Variants in GAS6 observed in about 807,000 individuals in gnomAD.
The protein encoded by GAS6 is growth arrest specific 6, also known as growth arrest-specific protein 6.
GAS6 carries 41 observed loss-of-function variants against 75.8 expected under a neutral mutation model. That is an observed-to-expected ratio of 0.54 (90% CI 0.42 to 0.70). The LOEUF (loss-of-function observed/expected upper bound fraction) is 0.70. GAS6 is among the 30% of genes least tolerant of loss of function. The probability of loss-of-function intolerance (pLI) is 0.00; values close to 1 mark genes in which losing one functional copy is unlikely to be tolerated. For synonymous variants in GAS6, 432 were observed against 412.6 expected, an observed-to-expected ratio of 1.05 and a Z score of -0.57; for missense variants, 854 against 940.2, an observed-to-expected ratio of 0.91 and a Z score of 1.20.
At chr13:113,834,128 G>GCC (rs2051668248) in intron 8 of GAS6, among the ~76,000 whole-genome samples, 1 of 147,834 alleles carries the variant, frequency 6.8e-6, no homozygotes, top group South Asian at 2.2e-4. Context: ...GGTGTGACAG[G>GCC]TCGGTGTGAC....
intron 2 of GAS6, among the ~76,000 whole-genome samples, chr13:113,858,654 TGTAC>T (rs1342918743): frequency 4.7e-5 from 6 of 127,822 alleles, no homozygotes; most frequent in African/African-American, 1.9e-4. Context: ...TGACTGTATG[TGTAC>T]ATGTCTGTGT....
chr13:113,826,498 C>T (rs1252000593), intron 12 of GAS6, among the ~76,000 whole-genome samples: 5 of 123,442 alleles, frequency 4.1e-5, no homozygotes, highest in South Asian at 3.2e-4. Context: ...GGCCTCCCGG[C>T]GCCGGCCTCG....
intron 2 of GAS6, among the ~76,000 whole-genome samples, chr13:113,858,013 G>A (rs2051927976): frequency 6.6e-6 from 1 of 152,258 alleles, no homozygotes; most frequent in African/African-American, 2.4e-5. Context: ...GGGCCCAGGA[G>A]GAAAGGCCTT....
At chr13:113,824,736 G>A (rs1054531953) in intron 12 of GAS6, among the ~76,000 whole-genome samples, 7 of 149,528 alleles carry the variant, frequency 4.7e-5, no homozygotes, top group East Asian at 1.9e-4. Context: ...AACCCACATC[G>A]CCTGTCCTGC....
Position 113,842,485 on chromosome 13 carries a change from C to T in GAS6, c.344-2635G>A, listed in dbSNP as rs965587982. The T allele has an allele frequency of 1.1e-4, 42 of 395,674 alleles. 2 individuals are homozygous for T. In the Middle Eastern group the frequency reaches 1.9e-3, roughly 18 times the overall value. 24.5% of individuals were successfully genotyped at this position (395,674 alleles called of 1,614,324 possible). On this transcript the variant is annotated intron_variant, in intron 4 of 14. Coordinates refer to ENST00000327773, the MANE Select transcript of GAS6 (RefSeq NM_000820.4). ...GGGGCCCCATCCCTGACACTGCTGT[C>T]GCCCGGCTGTACCTGGGTGCTGTGT...
At chr13:113,838,824 G>C (rs947332747) in intron 5 of GAS6, among the ~76,000 whole-genome samples, 4 of 150,558 alleles carry the variant, frequency 2.7e-5, no homozygotes, top group African/African-American at 9.8e-5. Flanking sequence ...GAGAGAGCCT[G>C]GGAGTGCACA....
chr13:113,834,114 C>A (rs1283297627), intron 8 of GAS6, among the ~76,000 whole-genome samples: 1 of 142,644 alleles, frequency 7.0e-6, no homozygotes, highest in Non-Finnish European at 1.5e-5. Flanking sequence ...CTGTGATAGG[C>A]CCCGGTGTGA....
At position 113,821,029 on chromosome 13, in the gene GAS6, G is replaced by A. The variant is rs775534088; in HGVS notation, c.1883-11C>T. ...AAGTCACCGGCACATCTGGGCCGCA[G>A]GGAGAGAACAACATATCTTAGCTCA... On this transcript the variant is annotated splice_polypyrimidine_tract_variant and intron_variant, in intron 14 of 14. Coordinates refer to ENST00000327773, the MANE Select transcript of GAS6 (RefSeq NM_000820.4). The A allele has an allele frequency of 3.1e-6, 5 of 1,611,896 alleles. No homozygotes were observed. The highest frequency in any genetic ancestry group is 4.2e-6 in the Non-Finnish European group (5 of 1,179,600).
At chr13:113,832,530 C>G in intron 9 of GAS6, 42 bp from the exon 10 acceptor site, 2 of 1,594,008 alleles carry the variant, frequency 1.3e-6, no homozygotes, top group Non-Finnish European at 1.7e-6. Flanking sequence ...TGGGCACAGG[C>G]AGATGCCCGG....
chr13:113,863,592 C>A lies in GAS6; in HGVS notation c.238G>T (p.Glu80Ter), dbSNP rs771615672. ...CTGCTCACCGTCTCGGGGTCGTTCT[C>A]GAACACCTCCCGCGCCTCCTCGCGG... ...CSREEAREVF[E>*]NDPETDYFYP... Residue 80 changes from glutamate to a stop codon, truncating the protein, a stop_gained, in exon 2 of 15, where the codon GAG (glutamate) becomes TAG (stop). Coordinates refer to ENST00000327773, the MANE Select transcript of GAS6 (RefSeq NM_000820.4). LOFTEE classifies it high-confidence loss of function. This position sits in a 1 kb window ranked among gnomAD's most constrained non-coding sequence, Gnocchi z 9.4. 1 of 1,518,666 alleles carries A rather than the reference C, an allele frequency of 6.6e-7. No homozygotes were observed. The highest frequency in any genetic ancestry group is 1.2e-5 in the South Asian group (1 of 82,048). The allele number at this position is 1,518,666 out of a possible 1,614,324, so 94.1% of individuals were successfully genotyped here.
At chr13:113,858,300 G>A (rs988259039) in intron 2 of GAS6, among the ~76,000 whole-genome samples, 15 of 152,242 alleles carry the variant, frequency 9.9e-5, no homozygotes, top group African/African-American at 3.1e-4. Context: ...GTACATGTGT[G>A]CATATTATGC....
rs551852660 is a variant in GAS6 at position 113,842,955 on chromosome 13, T to C, written c.344-3105A>G. 2.0e-4 allele frequency: 78 copies of C among 396,422 alleles called. 10 individuals carry two copies. Among genetic ancestry groups the C allele is most frequent in the African/African-American group, 1.6e-3 (75 of 47,212 alleles). 24.6% of individuals were successfully genotyped at this position (396,422 alleles called of 1,614,324 possible). On this transcript the variant is annotated intron_variant, in intron 4 of 14. Transcript: ENST00000327773. The stretch of plus-strand genomic sequence containing the variant: ...AAGCGGTCCCCAGACTCATGCCACC[T>C]GCCCCGGGGCCTCCCCCAACTCATT...
intron 2 of GAS6, among the ~76,000 whole-genome samples, chr13:113,850,101 A>G (rs1377409414): frequency 1.3e-5 from 2 of 152,224 alleles, no homozygotes; most frequent in Non-Finnish European, 2.9e-5. Flanking sequence ...TCCTGAGAAC[A>G]TTCTAGCCAA....
intron 2 of GAS6, among the ~76,000 whole-genome samples, chr13:113,858,746 T>C (rs1405855762): frequency 6.6e-6 from 1 of 151,378 alleles, no homozygotes; most frequent in African/African-American, 2.4e-5. Flanking sequence ...TGTACATGTC[T>C]GTTAGTATGT....
At position 113,842,868 on chromosome 13, in the gene GAS6, G is replaced by A. The variant is rs1022530133; in HGVS notation, c.344-3018C>T. On this transcript the variant is annotated intron_variant, in intron 4 of 14. Transcript: ENST00000327773. ...CTTGACTTTGCCTGGAATGCCTTTC[G>A]GAAAGACCTCTGTCCCTGAGGCTGA... 67 of 397,072 alleles carry A rather than the reference G, an allele frequency of 1.7e-4. 2 individuals carry two copies. The highest frequency in any genetic ancestry group is 6.3e-4 in the Middle Eastern group (1 of 1,590). The allele number at this position is 397,072 out of a possible 1,614,324, so 24.6% of individuals were successfully genotyped here.
intron 2 of GAS6, among the ~76,000 whole-genome samples, chr13:113,854,688 G>A (rs972749165): frequency 6.6e-6 from 1 of 152,268 alleles, no homozygotes; most frequent in African/African-American, 2.4e-5. Context: ...CCCCACCGAG[G>A]GCTGCCTGCT....
chr13:113,835,160 T>C (rs1007487857), intron 7 of GAS6, among the ~76,000 whole-genome samples: 1 of 152,170 alleles, frequency 6.6e-6, no homozygotes, highest in South Asian at 2.1e-4. Context: ...AACAGGGCCC[T>C]CCCCATGGCG....
intron 12 of GAS6, among the ~76,000 whole-genome samples, chr13:113,825,170 GGGA>G (rs2051519206): frequency 6.7e-6 from 1 of 150,320 alleles, no homozygotes; most frequent in South Asian, 2.1e-4. Flanking sequence ...GTATGAACCT[GGGA>G]GGTGGAGCCA....
In GAS6 at chr13:113,837,866, G is replaced by C. The variant is rs1336233451; in HGVS notation, c.589+203C>G. ...GCCCCCTGAGTCCTGGCCCTCAGAT[G>C]CCGGGTGAGTCATCCTGGTGTGGTG... On this transcript the variant is annotated intron_variant, in intron 6 of 14. Coordinates refer to ENST00000327773, the MANE Select transcript of GAS6 (RefSeq NM_000820.4). The surrounding 1 kb of genome is among the most constrained non-coding windows in gnomAD (Gnocchi z 5.1). 6.6e-6 allele frequency among the ~76,000 whole-genome samples: 1 copy of C among 152,168 alleles called. No individual in the cohort carries two copies. The highest frequency in any genetic ancestry group is 1.5e-5 in the Non-Finnish European group (1 of 68,006).
Sources: allele counts gnomAD v4.1 joint callset (sites outside exome capture counted in the v4.1 genomes callset), GRCh38; gene constraint gnomAD v4.1.1; non-coding constraint Gnocchi (gnomAD v3.1); transcripts MANE v1.5; gene names NCBI Gene and HGNC (gene_info 2026-07-23, HGNC 2026-07-21).